The following TRA2A variants were observed in gnomAD, a reference collection of about 807,000 sequenced individuals.
TRA2A encodes transformer 2 alpha homolog.
In TRA2A, 31 loss-of-function variants were observed where a neutral mutation model predicts 45.7. That is an observed-to-expected ratio of 0.68 (90% CI 0.51 to 0.92). TRA2A has a LOEUF of 0.92. Among genes scored for constraint, TRA2A ranks in the 40% least tolerant of loss-of-function variants. The pLI is 0.00. For missense variants in TRA2A, 304 were observed against 367.5 expected (o/e 0.83, Z 1.41); for synonymous variants, 132 against 126.2 (o/e 1.05, Z -0.31).
intron 6 of TRA2A, 92 bp from the exon 7 acceptor site, chr7:23,505,905 G>T: frequency 1.2e-6 from 1 of 807,018 alleles, no homozygotes; most frequent in Non-Finnish European, 1.9e-6. Flanking sequence ...AAATAATAAT[G>T]TACCTAAGGT....
intron 5 of TRA2A, 72 bp from the exon 6 acceptor site, chr7:23,506,338 T>C (rs1381967377): frequency 2.8e-6 from 4 of 1,414,618 alleles, no homozygotes; most frequent in African/African-American, 1.4e-5. Flanking sequence ...ACAAATTGAA[T>C]GGCTTAAAAA....
intron 2 of TRA2A, among the ~76,000 whole-genome samples, chr7:23,519,003 T>C (rs1790014025): frequency 6.6e-6 from 1 of 152,170 alleles, no homozygotes; most frequent in Non-Finnish European, 1.5e-5. Context: ...CTTTACTTAT[T>C]GATGCTTTCT....
chr7:23,512,445 G>A (rs1399171589), intron 4 of TRA2A, among the ~76,000 whole-genome samples: 1 of 152,148 alleles, frequency 6.6e-6, no homozygotes, highest in Non-Finnish European at 1.5e-5. Flanking sequence ...GGGCAACAGA[G>A]CAAAATCAGC....
At chr7:23,530,979 G>A (rs1790558463) in intron 1 of TRA2A, among the ~76,000 whole-genome samples, 1 of 151,908 alleles carries the variant, frequency 6.6e-6, no homozygotes, top group South Asian at 2.1e-4. Flanking sequence ...ATAGGAAGAA[G>A]AGCATTAAAA....
chr7:23,516,082 G>A (rs912981658), intron 3 of TRA2A, among the ~76,000 whole-genome samples: 14 of 152,058 alleles, frequency 9.2e-5, no homozygotes, highest in Admixed American at 1.3e-4. Flanking sequence ...TAAGGCCGCA[G>A]TGAGTCGAAA....
intron 4 of TRA2A, among the ~76,000 whole-genome samples, chr7:23,510,167 G>A (rs1414254242): frequency 2.0e-5 from 3 of 152,174 alleles, no homozygotes; most frequent in Non-Finnish European, 4.4e-5. Context: ...TGTTAGCTGA[G>A]AATTCAGCCT....
chr7:23,512,837 A>G (rs2127993534), intron 4 of TRA2A, 57 bp downstream of exon 4: 1 of 1,250,832 alleles, frequency 8.0e-7, no homozygotes, highest in East Asian at 2.6e-5. Flanking sequence ...TAAGTCTATT[A>G]ATCAACTTTT....
At chr7:23,515,224 T>A (rs1466580668) in intron 3 of TRA2A, among the ~76,000 whole-genome samples, 1 of 105,026 alleles carries the variant, frequency 9.5e-6, no homozygotes, top group East Asian at 2.4e-4. Context: ...AACATATTTC[T>A]TTTTTTTTTT....
intron 4 of TRA2A, among the ~76,000 whole-genome samples, chr7:23,511,065 C>T (rs1038002659): frequency 1.3e-5 from 2 of 151,984 alleles, no homozygotes; most frequent in African/African-American, 4.8e-5. Flanking sequence ...CAAGAACTTA[C>T]TGTTTTTAAA....
Position 23,505,442 on chromosome 7 carries a change from A to G in TRA2A, c.*117T>C. ...TGACAAAAGTGTAGATGCTAAATAAACCAAAGTTTTTTTCTTAAGGAGTAG... is the reference window on the plus strand; with the variant it reads ...TGACAAAAGTGTAGATGCTAAATAAGCCAAAGTTTTTTTCTTAAGGAGTAG... On this transcript the variant is annotated 3_prime_UTR_variant, in exon 8 of 8. Coordinates refer to ENST00000297071, the MANE Select transcript of TRA2A (RefSeq NM_013293.5). 1.8e-6 allele frequency: 1 copy of G among 542,408 alleles called. No homozygotes were observed. The highest frequency in any genetic ancestry group is 3.3e-6 in the Non-Finnish European group (1 of 302,202). The allele number at this position is 542,408 out of a possible 1,614,324, so 33.6% of individuals were successfully genotyped here.
chr7:23,529,453 T>A (rs376160708), intron 1 of TRA2A, among the ~76,000 whole-genome samples: 1 of 151,920 alleles, frequency 6.6e-6, no homozygotes, highest in African/African-American at 2.4e-5. Context: ...AGAGACAGGG[T>A]TTCACCACGT....
At chr7:23,522,129 A>T in intron 1 of TRA2A, 1 of 1,220,812 alleles carries the variant, frequency 8.2e-7, no homozygotes. Context: ...ACATTTACTT[A>T]ACCTAGGACC....
chr7:23,528,242 G>A (rs966009867), intron 1 of TRA2A, among the ~76,000 whole-genome samples: 2 of 151,956 alleles, frequency 1.3e-5, no homozygotes, highest in Non-Finnish European at 2.9e-5. Flanking sequence ...GACGAGTCTC[G>A]CTCTATTGCC....
At chr7:23,516,304 C>G in intron 3 of TRA2A, 59 bp downstream of exon 3, 2 of 1,576,232 alleles carry the variant, frequency 1.3e-6, no homozygotes, top group Non-Finnish European at 1.7e-6. Context: ...GCAAGATATG[C>G]CATGACTAAA....
At chr7:23,511,809 T>G (rs150421473) in intron 4 of TRA2A, among the ~76,000 whole-genome samples, 10 of 152,326 alleles carry the variant, frequency 6.6e-5, no homozygotes, top group Non-Finnish European at 1.3e-4. Flanking sequence ...GATTAGTTCA[T>G]TGTGTTAGGC....
chr7:23,529,025 C>G (rs1790456564), intron 1 of TRA2A, among the ~76,000 whole-genome samples: 1 of 152,110 alleles, frequency 6.6e-6, no homozygotes, highest in East Asian at 1.9e-4. Flanking sequence ...ATGAAAATTG[C>G]ACATTTTTAT....
chr7:23,522,334 A>G, intron 1 of TRA2A: 1 of 1,225,306 alleles, frequency 8.2e-7, no homozygotes, highest in Non-Finnish European at 1.0e-6. Context: ...ATTCAATTTT[A>G]ATTTTCTGAT....
intron 2 of TRA2A, among the ~76,000 whole-genome samples, chr7:23,518,544 T>C (rs947920183): frequency 6.6e-6 from 1 of 151,982 alleles, no homozygotes; most frequent in Admixed American, 6.6e-5. Context: ...GTTTCCACCA[T>C]GTTGGCCAGG....
intron 3 of TRA2A, among the ~76,000 whole-genome samples, chr7:23,513,289 T>G (rs987984934): frequency 2.0e-5 from 3 of 152,202 alleles, no homozygotes; most frequent in African/African-American, 7.2e-5. Context: ...ATATGCTTTC[T>G]GTCTATAGCC....
Sources: allele counts gnomAD v4.1 joint callset (sites outside exome capture counted in the v4.1 genomes callset), GRCh38; gene constraint gnomAD v4.1.1; transcripts MANE v1.5; gene names NCBI Gene and HGNC (gene_info 2026-07-23, HGNC 2026-07-21).